Variants in ASPH observed in about 807,000 individuals in gnomAD.
ASPH encodes aspartyl/asparaginyl beta-hydroxylase.
Under a neutral mutation model 118.4 loss-of-function variants are expected in ASPH, and 100 were observed. The ratio of observed to expected loss-of-function variants is 0.84; its 90% CI spans 0.72 to 1.00. The LOEUF is 1.00. Ranked by LOEUF, ASPH falls within the 50% of genes least tolerant of loss-of-function variation. The pLI is 0.00. For synonymous variants in ASPH, 315 were observed against 325.6 expected, an observed-to-expected ratio of 0.97 and a Z score of 0.35; for missense variants, 920 against 919.5, an observed-to-expected ratio of 1.00 and a Z score of -0.01.
intron 21 of ASPH, among the ~76,000 whole-genome samples, chr8:61,543,098 G>A (rs1822545445): frequency 6.6e-6 from 1 of 152,200 alleles, no homozygotes; most frequent in Non-Finnish European, 1.5e-5. Flanking sequence ...ACTGTGATGT[G>A]TCTAGGTATG....
Position 61,518,137 on chromosome 8 carries a change from C to CA in ASPH, c.1901-15dup. On this transcript the variant is annotated splice_polypyrimidine_tract_variant and intron_variant, in intron 22 of 24. Coordinates refer to ENST00000379454, the MANE Select transcript of ASPH (RefSeq NM_004318.4). ...CATTTCTTCTTCCTAGAATAAATAA[C>CA]ATAATTGTTGGAAACAAATCACAGT... is the stretch of plus-strand genomic sequence containing the variant. 6.2e-7 allele frequency: 1 copy of CA among 1,605,088 alleles called. No individual in the cohort carries two copies. The highest frequency in any genetic ancestry group is 1.1e-5 in the South Asian group (1 of 90,852).
chr8:61,689,539 T>G, intron 1 of ASPH: 1 of 806,408 alleles, frequency 1.2e-6, no homozygotes, highest in Non-Finnish European at 1.9e-6. Flanking sequence ...TCTCCAGGAG[T>G]TCAAAATAGA....
chr8:61,612,357 A>C (rs1847678029), intron 14 of ASPH, among the ~76,000 whole-genome samples: 1 of 149,246 alleles, frequency 6.7e-6, no homozygotes, highest in South Asian at 2.1e-4. Context: ...GGAAAAAATG[A>C]TTAAGAAATG....
At chr8:61,634,044 T>G (rs1856748721) in intron 12 of ASPH, among the ~76,000 whole-genome samples, 1 of 152,206 alleles carries the variant, frequency 6.6e-6, no homozygotes, top group Non-Finnish European at 1.5e-5. Flanking sequence ...GCATCAGATT[T>G]GATAAGAGAG....
chr8:61,611,711 G>A (rs1164589991), intron 14 of ASPH, among the ~76,000 whole-genome samples: 2 of 152,318 alleles, frequency 1.3e-5, no homozygotes, highest in African/African-American at 4.8e-5. Flanking sequence ...CAAAATCTGA[G>A]TATGAATTCT....
At chr8:61,568,304 A>C (rs1832426729) in intron 16 of ASPH, among the ~76,000 whole-genome samples, 1 of 152,150 alleles carries the variant, frequency 6.6e-6, no homozygotes, top group African/African-American at 2.4e-5. Flanking sequence ...AGTGGTAACA[A>C]GTGGTCAGAT....
rs1289460084 is a variant in ASPH at position 61,583,931 on chromosome 8, AAT to A, written c.1062+11_1062+12del. 1 of 1,538,930 alleles carries A rather than the reference AAT, an allele frequency of 6.5e-7. No individual in the cohort carries two copies. ...TTAACAACAAAACCATTGCACAAAA[AAT>A]ATCAACCTACCCTTTTACGGAGTTT... On this transcript the variant is annotated intron_variant, in intron 15 of 24. Transcript: ENST00000379454.
chr8:61,565,227 C>T (rs1218384800), intron 17 of ASPH, among the ~76,000 whole-genome samples: 1 of 151,944 alleles, frequency 6.6e-6, no homozygotes, highest in East Asian at 1.9e-4. Flanking sequence ...TGCAAATTTA[C>T]TTCATGTTTT....
chr8:61,575,288 T>A (rs932551355), intron 16 of ASPH, among the ~76,000 whole-genome samples: 2 of 152,252 alleles, frequency 1.3e-5, no homozygotes, highest in Admixed American at 1.3e-4. Flanking sequence ...CTTTATAATG[T>A]TCTTTAAGTA....
intron 2 of ASPH, among the ~76,000 whole-genome samples, chr8:61,681,752 AC>A (rs1350154453): frequency 6.6e-6 from 1 of 151,928 alleles, no homozygotes; most frequent in East Asian, 1.9e-4. Flanking sequence ...AGAAGACAAT[AC>A]TACCAAAACC....
chr8:61,512,058 A>T (rs1809065889), intron 24 of ASPH, among the ~76,000 whole-genome samples: 1 of 152,196 alleles, frequency 6.6e-6, no homozygotes, highest in Admixed American at 6.5e-5. Flanking sequence ...GCATGATCCT[A>T]ATTTTATAAA....
At chr8:61,688,050 C>T (rs1831233313) in intron 1 of ASPH, among the ~76,000 whole-genome samples, 1 of 152,126 alleles carries the variant, frequency 6.6e-6, no homozygotes, top group Non-Finnish European at 1.5e-5. Context: ...TCCCAAAGGG[C>T]AGATCAGTTT....
chr8:61,538,184 A>C (rs1029852094), intron 21 of ASPH, among the ~76,000 whole-genome samples: 4 of 152,238 alleles, frequency 2.6e-5, no homozygotes, highest in African/African-American at 9.6e-5. Flanking sequence ...GGACTTGCCC[A>C]AAGTGTCAGA....
At chr8:61,636,836 T>A (rs993461142) in intron 12 of ASPH, among the ~76,000 whole-genome samples, 4 of 152,056 alleles carry the variant, frequency 2.6e-5, no homozygotes, top group Admixed American at 2.0e-4. Context: ...TTAATATCCC[T>A]CATAGAGAAC....
At chr8:61,713,215 T>C (rs1838491144) in intron 1 of ASPH, among the ~76,000 whole-genome samples, 1 of 152,218 alleles carries the variant, frequency 6.6e-6, no homozygotes, top group Admixed American at 6.5e-5. Context: ...TTTAAATCCA[T>C]TCATTCATTC....
intron 2 of ASPH, chr8:61,683,465 G>C (rs1287421823): frequency 6.6e-6 from 1 of 152,032 alleles, no homozygotes; most frequent in Non-Finnish European, 1.5e-5. Flanking sequence ...CTATCAGAAG[G>C]ACCACAGCAA....
chr8:61,676,741 C>T (rs892686123), intron 3 of ASPH, among the ~76,000 whole-genome samples: 2 of 152,050 alleles, frequency 1.3e-5, no homozygotes, highest in African/African-American at 4.8e-5. Flanking sequence ...CAGATTTTAT[C>T]GAGAGTTGAT....
chr8:61,625,285 C>A (rs1270211335), intron 13 of ASPH: 8 of 985,802 alleles, frequency 8.1e-6, no homozygotes, highest in Non-Finnish European at 6.0e-6. Flanking sequence ...GAAATAGCAG[C>A]AGGCATCGGG....
At chr8:61,562,389 CTGTGTGTGTG>C (rs150312211) in intron 18 of ASPH, among the ~76,000 whole-genome samples, 4 of 128,994 alleles carry the variant, frequency 3.1e-5, no homozygotes, top group African/African-American at 8.4e-5. Flanking sequence ...GAAAGTGTGT[CTGTGTGTGTG>C]TGTGTGTGTG....
Sources: allele counts gnomAD v4.1 joint callset (sites outside exome capture counted in the v4.1 genomes callset), GRCh38; gene constraint gnomAD v4.1.1; transcripts MANE v1.5; gene names NCBI Gene and HGNC (gene_info 2026-07-23, HGNC 2026-07-21).